GLCE: variants seen among roughly 807,000 people sequenced by gnomAD.
The protein encoded by GLCE is D-glucuronyl C5-epimerase.
GLCE carries 19 observed loss-of-function variants against 47.9 expected under a neutral mutation model. The observed-to-expected ratio is 0.40, with a 90% CI of 0.28 to 0.58. The LOEUF is 0.58. Ranked by LOEUF, GLCE falls within the 20% of genes least tolerant of loss-of-function variation. The probability of loss-of-function intolerance (pLI) is 0.48; values close to 1 mark genes in which losing one functional copy is unlikely to be tolerated. For missense variants in GLCE, 556 were observed against 743.3 expected (o/e 0.75, Z 2.93); for synonymous variants, 245 against 263.4 (o/e 0.93, Z 0.68).
intron 3 of GLCE, among the ~76,000 whole-genome samples, chr15:69,258,217 A>G (rs1393364359): frequency 1.3e-5 from 2 of 151,996 alleles, no homozygotes; most frequent in East Asian, 3.9e-4. Context: ...TTCATCATTT[A>G]GCTCCCACTT....
Position 69,184,753 on chromosome 15 carries a change from A to G in GLCE, c.-105+23996A>G, listed in dbSNP as rs377239733. ...AGATTCAGATCATTTCCATTGTTCCACTCTGCTGTCCACAGTGCTGGCTTT... is the reference window on the plus strand; with the variant it reads ...AGATTCAGATCATTTCCATTGTTCCGCTCTGCTGTCCACAGTGCTGGCTTT... On this transcript the variant is annotated intron_variant, in intron 1 of 4. Coordinates refer to ENST00000261858, the MANE Select transcript of GLCE (RefSeq NM_015554.3). 7.9e-5 allele frequency among the ~76,000 whole-genome samples: 12 copies of G among 152,174 alleles called. No homozygotes were observed. The East Asian group carries it at 1.4e-3, about 17-fold the overall frequency.
chr15:69,192,072 G>A (rs1023143112), intron 1 of GLCE, among the ~76,000 whole-genome samples: 12 of 152,070 alleles, frequency 7.9e-5, no homozygotes, highest in Non-Finnish European at 1.6e-4. Context: ...GCTAGATATT[G>A]CTTGAACTTC....
intron 2 of GLCE, among the ~76,000 whole-genome samples, chr15:69,211,862 A>G (rs987128707): frequency 1.3e-5 from 2 of 151,988 alleles, no homozygotes; most frequent in African/African-American, 4.8e-5. Context: ...CCTGAAATAT[A>G]TTTGGTTTCC....
intron 1 of GLCE, among the ~76,000 whole-genome samples, chr15:69,169,456 G>A (rs1329510854): frequency 6.6e-6 from 1 of 151,934 alleles, no homozygotes; most frequent in Non-Finnish European, 1.5e-5. Context: ...CAACGTGCAG[G>A]TTTGTTACAT....
At chr15:69,257,996 A>G (rs1382689230) in intron 3 of GLCE, among the ~76,000 whole-genome samples, 1 of 151,462 alleles carries the variant, frequency 6.6e-6, no homozygotes, top group African/African-American at 2.4e-5. Context: ...ATTTTATTTT[A>G]TTTTATTTTT....
At chr15:69,265,163 A>G (rs1339679893) in intron 4 of GLCE, among the ~76,000 whole-genome samples, 2 of 152,188 alleles carry the variant, frequency 1.3e-5, no homozygotes, top group African/African-American at 2.4e-5. Flanking sequence ...CCTAAAGTGC[A>G]TATATATGTG....
At chr15:69,252,378 C>G (rs2052856793) in intron 2 of GLCE, among the ~76,000 whole-genome samples, 2 of 152,314 alleles carry the variant, frequency 1.3e-5, no homozygotes, top group South Asian at 4.1e-4. Context: ...GAAGGCAAAG[C>G]TGGAGCAAGC....
At chr15:69,162,520 G>A (rs1001544360) in intron 1 of GLCE, among the ~76,000 whole-genome samples, 1 of 151,916 alleles carries the variant, frequency 6.6e-6, no homozygotes, top group Non-Finnish European at 1.5e-5. Flanking sequence ...GCCTGCCTTA[G>A]TCTTTTTCTT....
intron 1 of GLCE, among the ~76,000 whole-genome samples, chr15:69,207,118 T>C (rs946465037): frequency 2.6e-5 from 4 of 152,074 alleles, no homozygotes; most frequent in Non-Finnish European, 4.4e-5. Flanking sequence ...AAGTTCACAA[T>C]TGTTAACCAG....
chr15:69,252,730 A>G (rs2052862992), intron 2 of GLCE, among the ~76,000 whole-genome samples: 1 of 152,202 alleles, frequency 6.6e-6, no homozygotes, highest in Non-Finnish European at 1.5e-5. Flanking sequence ...CGTAGCTGAC[A>G]GATTACTCAG....
chr15:69,236,669 T>C (rs573353975), intron 2 of GLCE, among the ~76,000 whole-genome samples: 1 of 152,302 alleles, frequency 6.6e-6, no homozygotes, highest in East Asian at 1.9e-4. Flanking sequence ...CTTGAGTATA[T>C]ACACGTATCT....
At chr15:69,247,997 C>G (rs2052778355) in intron 2 of GLCE, among the ~76,000 whole-genome samples, 2 of 152,062 alleles carry the variant, frequency 1.3e-5, no homozygotes, top group Non-Finnish European at 2.9e-5. Flanking sequence ...TAGAGCATGT[C>G]CATATATATA....
At chr15:69,197,283 C>A in intron 1 of GLCE, 1 of 320,962 alleles carries the variant, frequency 3.1e-6, no homozygotes, top group Non-Finnish European at 6.3e-6. Flanking sequence ...ATCTCAGCAA[C>A]TTTTTGCAGG....
intron 2 of GLCE, among the ~76,000 whole-genome samples, chr15:69,238,977 C>T (rs761757476): frequency 3.9e-5 from 6 of 152,172 alleles, no homozygotes; most frequent in Non-Finnish European, 7.4e-5. Context: ...TAGTAAAGGG[C>T]GACATGGGGA....
At chr15:69,235,310 G>A (rs928353395) in intron 2 of GLCE, among the ~76,000 whole-genome samples, 2 of 151,848 alleles carry the variant, frequency 1.3e-5, no homozygotes, top group African/African-American at 4.8e-5. Flanking sequence ...GTTTCGCCAT[G>A]TTGGCCAGGC....
chr15:69,243,606 G>A (rs969098903), intron 2 of GLCE, among the ~76,000 whole-genome samples: 4 of 149,208 alleles, frequency 2.7e-5, no homozygotes, highest in African/African-American at 9.8e-5. Flanking sequence ...TGCATGACAT[G>A]AGCAAATAGA....
At chr15:69,237,666 C>T (rs1318182896) in intron 2 of GLCE, among the ~76,000 whole-genome samples, 101 of 152,018 alleles carry the variant, frequency 6.6e-4, no homozygotes. Flanking sequence ...ATAGCTAATA[C>T]TCTGTATCTT....
At chr15:69,205,916 C>T (rs1259272618) in intron 1 of GLCE, among the ~76,000 whole-genome samples, 4 of 152,024 alleles carry the variant, frequency 2.6e-5, no homozygotes, top group Admixed American at 2.0e-4. Flanking sequence ...CCTCACACAG[C>T]TTGCCATAAT....
chr15:69,173,761 A>G (rs1367495960), intron 1 of GLCE, among the ~76,000 whole-genome samples: 1 of 152,234 alleles, frequency 6.6e-6, no homozygotes, highest in East Asian at 1.9e-4. Flanking sequence ...ATTCACACTT[A>G]TAATACTTAT....
Sources: gnomAD v4.1 joint callset for allele counts (sites outside exome capture counted in the v4.1 genomes callset) on GRCh38, gnomAD v4.1.1 for gene constraint, MANE v1.5 for transcripts, NCBI Gene and HGNC (gene_info 2026-07-23, HGNC 2026-07-21) for gene names.